The following FOXP2 variants were observed in gnomAD, a reference collection of about 807,000 sequenced individuals.
FOXP2 encodes the protein forkhead box protein P2.
Under a neutral mutation model 115.8 loss-of-function variants are expected in FOXP2, and 12 were observed. That is an observed-to-expected ratio of 0.10 (90% confidence interval 0.07 to 0.17). The LOEUF (loss-of-function observed/expected upper bound fraction) is 0.17, where lower values mean the gene tolerates loss of function less well. Among genes scored for constraint, FOXP2 ranks in the 10% least tolerant of loss-of-function variants. The pLI, the probability that FOXP2 is intolerant of heterozygous loss-of-function variation, is 1.00. For synonymous variants in FOXP2, 328 were observed against 297.7 expected (o/e 1.10, Z -1.05); for missense variants, 629 against 843.5 (o/e 0.75, Z 3.15).
At chr7:114,642,778 TAATA>T (rs1404696414) in intron 7 of FOXP2, among the ~76,000 whole-genome samples, 155 bp downstream of exon 7, 5 of 73,962 alleles carry the variant, frequency 6.8e-5, no homozygotes, top group Admixed American at 6.4e-4. Flanking sequence ...ATTTTATATA[TAATA>T]TATATATATA....
At position 114,479,746 on chromosome 7, in the gene FOXP2, G is replaced by T. The variant is rs141778384; in HGVS notation, c.168+53067G>T. 5.0e-3 allele frequency among the ~76,000 whole-genome samples: 762 copies of T among 151,344 alleles called. 12 individuals are homozygous for T. Among genetic ancestry groups the T allele is most frequent in the African/African-American group, 0.017 (724 of 41,394 alleles). The stretch of plus-strand genomic sequence containing the variant: ...ACATGTTATTATTCCTGTTTTTTCA[G>T]AAATAAATATATAGTAAATTTTTAT... On this transcript the variant is annotated intron_variant, in intron 2 of 16. Coordinates refer to ENST00000350908, the MANE Select transcript of FOXP2 (RefSeq NM_014491.4).
At chr7:114,110,597 G>A (rs1469789411) in intron 1 of FOXP2, among the ~76,000 whole-genome samples, 1 of 152,066 alleles carries the variant, frequency 6.6e-6, no homozygotes, top group African/African-American at 2.4e-5. Flanking sequence ...TGGGGTACTT[G>A]TGGTGTGGAA....
chr7:114,585,632 A>C (rs1584925261), intron 3 of FOXP2, among the ~76,000 whole-genome samples: 1 of 151,860 alleles, frequency 6.6e-6, no homozygotes, highest in East Asian at 1.9e-4. Flanking sequence ...TGGGAAGCTG[A>C]AGTGGGCAGA....
intron 4 of FOXP2, 86 bp from the exon 5 acceptor site, chr7:114,629,719 C>T (rs1804785079): frequency 1.9e-6 from 3 of 1,602,116 alleles, no homozygotes; most frequent in Non-Finnish European, 8.5e-7. Flanking sequence ...GGATACTCTG[C>T]CATATGCCAG....
In FOXP2 at chr7:114,474,990, A is replaced by G. The variant is rs75041874; in HGVS notation, c.168+48311A>G. On this transcript the variant is annotated intron_variant, in intron 2 of 16. Transcript: ENST00000350908. ...TGACAAACTTGAAAGTAAAAGATGT[A>G]GTAAATGAGCCCTGCTTGGTACTAG... 1.2e-3 allele frequency among the ~76,000 whole-genome samples: 181 copies of G among 152,176 alleles called. 1 individual carries two copies. Among genetic ancestry groups the G allele is most frequent in the African/African-American group, 4.0e-3 (166 of 41,552 alleles).
chr7:114,230,875 T>C (rs555493889), intron 1 of FOXP2, among the ~76,000 whole-genome samples: 1 of 151,562 alleles, frequency 6.6e-6, no homozygotes, highest in African/African-American at 2.4e-5. Flanking sequence ...AGAGCAATGA[T>C]GTAAAAAAAG....
At chr7:114,113,524 G>A (rs1791327715) in intron 1 of FOXP2, among the ~76,000 whole-genome samples, 2 of 152,244 alleles carry the variant, frequency 1.3e-5, no homozygotes, top group East Asian at 1.9e-4. Context: ...TGGGACTACA[G>A]GTGTGTGCTA....
At chr7:114,483,313 A>G (rs1584791796) in intron 2 of FOXP2, among the ~76,000 whole-genome samples, 1 of 151,696 alleles carries the variant, frequency 6.6e-6, no homozygotes, top group Admixed American at 6.6e-5. Flanking sequence ...CATGCTTCCA[A>G]GGTTTTTCCT....
At chr7:114,354,083 C>G (rs1267193701) in intron 2 of FOXP2, among the ~76,000 whole-genome samples, 1 of 152,074 alleles carries the variant, frequency 6.6e-6, no homozygotes, top group Admixed American at 6.6e-5. Context: ...TGGGCATCAG[C>G]CAGTTCTTTG....
chr7:114,201,619 T>C (rs1014627751), intron 1 of FOXP2, among the ~76,000 whole-genome samples: 2 of 152,202 alleles, frequency 1.3e-5, no homozygotes, highest in African/African-American at 4.8e-5. Flanking sequence ...TTGTTTTTAC[T>C]GAATACATAC....
intron 1 of FOXP2, among the ~76,000 whole-genome samples, chr7:114,148,693 T>C (rs1382501277): frequency 6.6e-6 from 1 of 152,180 alleles, no homozygotes; most frequent in Non-Finnish European, 1.5e-5. Flanking sequence ...ACTATGTTGT[T>C]GAAAGACATG....
chr7:114,334,381 TAAAA>T (rs5886700), intron 2 of FOXP2, among the ~76,000 whole-genome samples: 1 of 146,270 alleles, frequency 6.8e-6, no homozygotes, highest in Admixed American at 6.8e-5. Flanking sequence ...ACTTCTGAGC[TAAAA>T]AAAAAAAAAA....
At chr7:114,440,908 G>T (rs1794569905) in intron 2 of FOXP2, among the ~76,000 whole-genome samples, 1 of 152,086 alleles carries the variant, frequency 6.6e-6, no homozygotes, top group Non-Finnish European at 1.5e-5. Flanking sequence ...GAAAAGAAAA[G>T]AAACATGGAA....
intron 1 of FOXP2, among the ~76,000 whole-genome samples, chr7:114,123,832 T>G (rs956493028): frequency 6.6e-6 from 1 of 152,118 alleles, no homozygotes; most frequent in African/African-American, 2.4e-5. Flanking sequence ...GCATTTGGGT[T>G]TTCTACCATA....
chr7:114,127,335 G>A (rs1047259003), intron 1 of FOXP2, among the ~76,000 whole-genome samples: 1 of 152,130 alleles, frequency 6.6e-6, no homozygotes, highest in Non-Finnish European at 1.5e-5. Flanking sequence ...GCAAGTCACA[G>A]GTCCTTGCCA....
chr7:114,235,891 C>G (rs769747072), intron 1 of FOXP2, among the ~76,000 whole-genome samples: 1 of 152,188 alleles, frequency 6.6e-6, no homozygotes, highest in Non-Finnish European at 1.5e-5. Flanking sequence ...AACTCATTCT[C>G]TCTGTAAAGC....
chr7:114,146,474 T>C (rs1792371619), intron 1 of FOXP2, among the ~76,000 whole-genome samples: 1 of 152,184 alleles, frequency 6.6e-6, no homozygotes, highest in Admixed American at 6.5e-5. Flanking sequence ...GTCACTCTGT[T>C]AATCAGTACA....
intron 1 of FOXP2, among the ~76,000 whole-genome samples, chr7:114,249,847 G>A (rs573416661): frequency 1.3e-5 from 2 of 151,856 alleles, no homozygotes; most frequent in South Asian, 2.1e-4. Flanking sequence ...TGTGCACAAC[G>A]TGCAGGTTTG....
chr7:114,496,951 A>G (rs1797349212), intron 2 of FOXP2, among the ~76,000 whole-genome samples: 1 of 152,174 alleles, frequency 6.6e-6, no homozygotes, highest in African/African-American at 2.4e-5. Context: ...TACTAAGCAC[A>G]CTCAAGTTAC....
Sources: allele counts gnomAD v4.1 joint callset (sites outside exome capture counted in the v4.1 genomes callset), GRCh38; gene constraint gnomAD v4.1.1; transcripts MANE v1.5; gene names NCBI Gene and HGNC (gene_info 2026-07-23, HGNC 2026-07-21).